The following RNF182 variants were observed in gnomAD, a reference collection of about 807,000 sequenced individuals.
The protein encoded by RNF182 is E3 ubiquitin-protein ligase RNF182.
A neutral mutation model predicts 14.4 loss-of-function variants in RNF182; 15 were observed. The ratio of observed to expected loss-of-function variants is 1.04; its 90% confidence interval spans 0.70 to 1.60. The LOEUF (loss-of-function observed/expected upper bound fraction) is 1.60, where lower values mean the gene tolerates loss of function less well. Ranked by LOEUF, RNF182 falls within the 40% of genes most tolerant of loss-of-function variation. The probability of loss-of-function intolerance (pLI) is 0.00; values close to 1 mark genes in which losing one functional copy is unlikely to be tolerated. For missense variants in RNF182, 268 were observed against 294.8 expected (o/e 0.91, Z 0.67); for synonymous variants, 128 against 122.9 (o/e 1.04, Z -0.27).
rs1392200183 is a variant in RNF182 at position 13,978,666 on chromosome 6, C to T, written c.*803C>T. 3 of 167,034 alleles carry T rather than the reference C, an allele frequency of 1.8e-5. No individual in the cohort carries two copies. Among genetic ancestry groups the T allele is most frequent in the Admixed American group, 6.5e-5 (1 of 15,280 alleles). 10.3% of individuals were successfully genotyped at this position (167,034 alleles called of 1,614,324 possible). On this transcript the variant is annotated 3_prime_UTR_variant, in exon 3 of 3. Transcript: ENST00000488300. The stretch of plus-strand genomic sequence containing the variant: ...CCTTCATTTGAGTCTTTCCTTATAA[C>T]ATCTTAGTTTTGGTTTTTTTAAACC...
At chr6:13,975,321 G>C (rs989526373) in intron 2 of RNF182, among the ~76,000 whole-genome samples, 1 of 152,206 alleles carries the variant, frequency 6.6e-6, no homozygotes, top group Admixed American at 6.5e-5. Flanking sequence ...ATGGGATCAG[G>C]ATCAGGAATG....
intron 1 of RNF182, among the ~76,000 whole-genome samples, chr6:13,943,144 A>G (rs1032130571): frequency 1.3e-5 from 2 of 152,230 alleles, no homozygotes; most frequent in Admixed American, 6.5e-5. Flanking sequence ...TAGTTTCTAA[A>G]TTATAAAGTA....
Position 13,941,196 on chromosome 6 carries a change from AC to A in RNF182, c.-367+16175del, listed in dbSNP as rs1031836735. Among the ~76,000 whole-genome samples the A allele has an allele frequency of 3.7e-4, 57 of 152,188 alleles. 1 individual carries two copies. Among genetic ancestry groups the A allele is most frequent in the Admixed American group, 3.3e-3 (50 of 15,296 alleles). ...TCTCACTGAGATGATGAATTTTTCT[AC>A]CTTTCATTCTGTCAGTTTTTAAGTA... On this transcript the variant is annotated intron_variant, in intron 1 of 2. Coordinates refer to ENST00000488300, the MANE Select transcript of RNF182 (RefSeq NM_152737.4).
At chr6:13,956,046 C>G (rs1429040249) in intron 1 of RNF182, among the ~76,000 whole-genome samples, 1 of 152,212 alleles carries the variant, frequency 6.6e-6, no homozygotes, top group African/African-American at 2.4e-5. Context: ...TTCAGTACTT[C>G]TCTTTCTGTG....
chr6:13,965,939 C>T (rs1760014855), intron 1 of RNF182, among the ~76,000 whole-genome samples: 2 of 152,276 alleles, frequency 1.3e-5, no homozygotes, highest in Admixed American at 6.5e-5. Context: ...AGGGGCCCCT[C>T]AAGGATCTGG....
intron 1 of RNF182, among the ~76,000 whole-genome samples, chr6:13,955,629 C>G (rs1242256325): frequency 6.6e-6 from 1 of 152,220 alleles, no homozygotes; most frequent in African/African-American, 2.4e-5. Context: ...TGCACAGCAA[C>G]CACAGGGCCC....
intron 1 of RNF182, among the ~76,000 whole-genome samples, chr6:13,939,489 T>C (rs185655669): frequency 1.3e-5 from 2 of 152,094 alleles, no homozygotes; most frequent in East Asian, 1.9e-4. Context: ...TTTTGTTTCT[T>C]GTGTATATAA....
At chr6:13,937,103 T>C (rs280147) in intron 1 of RNF182, among the ~76,000 whole-genome samples, 144,479 of 152,234 alleles carry the variant, frequency 0.95, 69,053 homozygotes, top group East Asian at 1. Flanking sequence ...ATCACATTAC[T>C]TGTTTTGTGT....
chr6:13,947,894 T>C (rs982747310), intron 1 of RNF182, among the ~76,000 whole-genome samples: 11 of 152,234 alleles, frequency 7.2e-5, no homozygotes, highest in Non-Finnish European at 1.2e-4. Flanking sequence ...ACTGGACTTA[T>C]GTAAATAGCT....
chr6:13,968,565 A>G (rs958646899), intron 1 of RNF182, among the ~76,000 whole-genome samples: 4 of 152,222 alleles, frequency 2.6e-5, no homozygotes, highest in Non-Finnish European at 5.9e-5. Context: ...AAATAAGCAT[A>G]CAGTTAATAC....
rs1760441466 is a variant in RNF182 at position 13,979,659 on chromosome 6, A to C, written c.*1796A>C. ...TTAGAGTAAATACCATGTTTAGAAG[A>C]TGTTTTGTGGTTTGGATTTATATAT... On this transcript the variant is annotated 3_prime_UTR_variant, in exon 3 of 3. Coordinates refer to ENST00000488300, the MANE Select transcript of RNF182 (RefSeq NM_152737.4). 1 of 166,516 alleles carries C rather than the reference A, an allele frequency of 6.0e-6. No homozygotes were observed. The highest frequency in any genetic ancestry group is 2.1e-4 in the South Asian group (1 of 4,822). 10.3% of individuals were successfully genotyped at this position (166,516 alleles called of 1,614,324 possible). A position where few individuals can be genotyped will look rare whatever the true frequency, so the allele number is the denominator to read the frequency against.
intron 1 of RNF182, among the ~76,000 whole-genome samples, chr6:13,934,497 A>G (rs555979027): frequency 6.6e-6 from 1 of 152,166 alleles, no homozygotes; most frequent in Non-Finnish European, 1.5e-5. Flanking sequence ...ACCTTCGCCT[A>G]TTTTTCTGAG....
In RNF182 at chr6:13,947,440, T is replaced by C. The variant is rs143273089; in HGVS notation, c.-367+22417T>C. On this transcript the variant is annotated intron_variant, in intron 1 of 2. Coordinates refer to ENST00000488300, the MANE Select transcript of RNF182 (RefSeq NM_152737.4). ...ACTGATTTGTTGGCAAAATAAATTT[T>C]AGTCTTATTGTATGTGGCCTGGTTA... Among the ~76,000 whole-genome samples the C allele has an allele frequency of 2.4e-3, 372 of 152,356 alleles. 1 individual carries two copies. Among genetic ancestry groups the C allele is most frequent in the African/African-American group, 8.3e-3 (347 of 41,582 alleles).
intron 1 of RNF182, among the ~76,000 whole-genome samples, chr6:13,963,916 T>C (rs1200608620): frequency 1.3e-5 from 2 of 152,144 alleles, no homozygotes; most frequent in African/African-American, 4.8e-5. Context: ...TGATAGGGGC[T>C]AGGGCAAAGA....
chr6:13,973,590 A>G (rs1760248719), intron 1 of RNF182, among the ~76,000 whole-genome samples: 1 of 152,136 alleles, frequency 6.6e-6, no homozygotes, highest in Admixed American at 6.5e-5. Flanking sequence ...ATGGTTTTAT[A>G]AGGGGTTTCC....
Position 13,977,105 on chromosome 6 carries a change from C to G in RNF182, c.-15C>G. ...ACAAGACCCACCTGGCATAAGATTG[C>G]ACACATAATTCAAGATGGCCAGTCA... On this transcript the variant is annotated 5_prime_UTR_variant, in exon 3 of 3. Coordinates refer to ENST00000488300, the MANE Select transcript of RNF182 (RefSeq NM_152737.4). The G allele has an allele frequency of 6.2e-7, 1 of 1,602,576 alleles. No individual in the cohort carries two copies. Among genetic ancestry groups the G allele is most frequent in the Non-Finnish European group, 8.5e-7 (1 of 1,173,284 alleles).
At chr6:13,930,131 T>TGCAACG (rs781688423) in intron 1 of RNF182, among the ~76,000 whole-genome samples, 47,971 of 152,042 alleles carry the variant, frequency 0.32, 8,189 homozygotes, top group East Asian at 0.61. Flanking sequence ...ATTTGGAAAA[T>TGCAACG]ATTCCAAAAA....
intron 1 of RNF182, among the ~76,000 whole-genome samples, chr6:13,942,351 AT>A (rs1158045253): frequency 4.0e-5 from 6 of 151,856 alleles, no homozygotes; most frequent in Non-Finnish European, 8.8e-5. Context: ...ATTAAAAAAA[AT>A]TTTTTTTGAG....
chr6:13,957,155 C>CT (rs1759753611), intron 1 of RNF182, among the ~76,000 whole-genome samples: 1 of 152,208 alleles, frequency 6.6e-6, no homozygotes, highest in African/African-American at 2.4e-5. Flanking sequence ...AAATATAAAA[C>CT]TATCTTTCCT....
Sources: allele counts gnomAD v4.1 joint callset (sites outside exome capture counted in the v4.1 genomes callset), GRCh38; gene constraint gnomAD v4.1.1; transcripts MANE v1.5; gene names NCBI Gene and HGNC (gene_info 2026-07-23, HGNC 2026-07-21).